The following RASGEF1C variants were observed in gnomAD, a reference collection of about 807,000 sequenced individuals.
RASGEF1C encodes RasGEF domain family member 1C.
In RASGEF1C, 27 loss-of-function variants were observed where a neutral mutation model predicts 58.1. The observed-to-expected ratio is 0.46, with a 90% CI of 0.34 to 0.64. The LOEUF (loss-of-function observed/expected upper bound fraction) is 0.64. Among genes scored for constraint, RASGEF1C ranks in the 30% least tolerant of loss-of-function variants. The pLI, the probability that RASGEF1C is intolerant of heterozygous loss-of-function variation, is 0.01. For missense variants in RASGEF1C, 502 were observed against 605.1 expected (o/e 0.83, Z 1.79); for synonymous variants, 243 against 246.3 (o/e 0.99, Z 0.13).
In RASGEF1C at chr5:180,118,695, C is replaced by T. The variant is rs1561733291; in HGVS notation, c.997G>A (p.Asp333Asn). ...AKFFILEHQM[D>N]PTGNFCNYRT... is the part of the protein sequence containing the mutation. ...TAGTTGCAGAAATTCCCCGTTGGGT[C>T]CATCTGGTGCTGGAAGGAGACAGGG... is the stretch of plus-strand genomic sequence containing the variant. Residue 333 changes from aspartate to asparagine, a missense_variant, in exon 10 of 14, where the codon GAC becomes AAC. By Grantham distance (23) the Asp-to-Asn change is conservative (BLOSUM62 1). Transcript: ENST00000361132. 3.7e-6 allele frequency: 6 copies of T among 1,614,170 alleles called. No individual in the cohort carries two copies. Among genetic ancestry groups the T allele is most frequent in the Admixed American group, 1.7e-5 (1 of 60,024 alleles).
intron 1 of RASGEF1C, among the ~76,000 whole-genome samples, chr5:180,142,409 A>G (rs1435199803): frequency 6.6e-6 from 1 of 152,186 alleles, no homozygotes; most frequent in African/African-American, 2.4e-5. Flanking sequence ...ATTTGGCTCA[A>G]TGTACCAAGA....
At chr5:180,111,641 G>T (rs1352747627) in intron 11 of RASGEF1C, 61 bp from the exon 12 acceptor site, 2 of 1,595,888 alleles carry the variant, frequency 1.3e-6, no homozygotes, top group Non-Finnish European at 1.7e-6. Context: ...CCCCATGAGG[G>T]GGAGGGGCTG....
At chr5:180,191,553 T>A (rs1756163884) in intron 1 of RASGEF1C, among the ~76,000 whole-genome samples, 3 of 152,048 alleles carry the variant, frequency 2.0e-5, no homozygotes, top group Admixed American at 1.3e-4. Flanking sequence ...AGACGGGATT[T>A]CACCGTGTTA....
chr5:180,176,469 C>T (rs888761444), intron 1 of RASGEF1C, among the ~76,000 whole-genome samples: 3 of 152,206 alleles, frequency 2.0e-5, no homozygotes, highest in African/African-American at 7.2e-5. Context: ...CTGCCCCTGC[C>T]AGGACCAGGC....
In RASGEF1C at chr5:180,137,505, G is replaced by T; in HGVS notation, c.300+85C>A. On this transcript the variant is annotated intron_variant, in intron 3 of 13. Transcript: ENST00000361132. The surrounding 1 kb of genome is among the most constrained non-coding windows in gnomAD (Gnocchi z 4.1). ...TGTCAGGAAAACGGGGACAATCATT[G>T]CCTCCCCGAGAGGCTGATGCGTTGA... 1 of 1,525,364 alleles carries T rather than the reference G, an allele frequency of 6.6e-7. No individual in the cohort carries two copies. The highest frequency in any genetic ancestry group is 8.9e-7 in the Non-Finnish European group (1 of 1,129,192). 94.5% of individuals were successfully genotyped at this position (1,525,364 alleles called of 1,614,324 possible).
At chr5:180,167,304 T>G (rs749538998) in intron 1 of RASGEF1C, among the ~76,000 whole-genome samples, 2 of 152,196 alleles carry the variant, frequency 1.3e-5, no homozygotes, top group Non-Finnish European at 2.9e-5. Context: ...TCTGTGGAAC[T>G]ATCTTCAATA....
At chr5:180,207,592 C>A (rs1203753981) in intron 1 of RASGEF1C, among the ~76,000 whole-genome samples, 1 of 152,144 alleles carries the variant, frequency 6.6e-6, no homozygotes, top group Non-Finnish European at 1.5e-5. Context: ...CTCCCCCTCG[C>A]CAGTCCCGCC....
At chr5:180,131,492 G>A (rs1479472787) in intron 4 of RASGEF1C, among the ~76,000 whole-genome samples, 1 of 152,106 alleles carries the variant, frequency 6.6e-6, no homozygotes, top group Non-Finnish European at 1.5e-5. Flanking sequence ...GTTCAGTGCT[G>A]TGAGCCCTTC....
At chr5:180,182,772 A>G (rs1406307044) in intron 1 of RASGEF1C, among the ~76,000 whole-genome samples, 1 of 152,140 alleles carries the variant, frequency 6.6e-6, no homozygotes, top group Non-Finnish European at 1.5e-5. Flanking sequence ...TAGACACAGA[A>G]AAGTTCTCCA....
intron 1 of RASGEF1C, among the ~76,000 whole-genome samples, chr5:180,180,713 G>A (rs1767311210): frequency 6.6e-6 from 1 of 152,232 alleles, no homozygotes; most frequent in African/African-American, 2.4e-5. Flanking sequence ...CAGCATGGCT[G>A]TGGTTGTGTT....
chr5:180,115,633 A>G (rs1432872993), intron 10 of RASGEF1C, among the ~76,000 whole-genome samples: 1 of 152,158 alleles, frequency 6.6e-6, no homozygotes, highest in Non-Finnish European at 1.5e-5. Context: ...TGCCTTTATC[A>G]AGCCTGCGTG....
At chr5:180,127,891 T>C (rs1766290523) in intron 5 of RASGEF1C, among the ~76,000 whole-genome samples, 1 of 152,150 alleles carries the variant, frequency 6.6e-6, no homozygotes, top group Non-Finnish European at 1.5e-5. Flanking sequence ...CTTTCCCGGT[T>C]CATGGGGGCA....
chr5:180,182,409 A>C (rs956280715), intron 1 of RASGEF1C, among the ~76,000 whole-genome samples: 2 of 152,006 alleles, frequency 1.3e-5, no homozygotes, highest in South Asian at 2.1e-4. Flanking sequence ...GAGCAGCCGC[A>C]AGATTTATTG....
intron 1 of RASGEF1C, among the ~76,000 whole-genome samples, chr5:180,139,291 G>A (rs1482035225): frequency 6.6e-6 from 1 of 152,208 alleles, no homozygotes; most frequent in Non-Finnish European, 1.5e-5. Flanking sequence ...ATTCTTGATC[G>A]TGGAGTCCTG....
At position 180,168,132 on chromosome 5, in the gene RASGEF1C, AAAAC is replaced by A. The variant is rs1383978925; in HGVS notation, c.-6-30078_-6-30075del. Among the ~76,000 whole-genome samples, 2 of 152,298 alleles carry A rather than the reference AAAAC, an allele frequency of 1.3e-5. No homozygotes were observed. Among genetic ancestry groups the A allele is most frequent in the East Asian group, 1.9e-4 (1 of 5,184 alleles). ...TCAAAAACAAAACAAAACAAAAACA[AAAAC>A]AAACAAAAAAAAGGCCAGGCGCAGT... On this transcript the variant is annotated intron_variant, in intron 1 of 13. Transcript: ENST00000361132. The surrounding 1 kb of genome is among the most constrained non-coding windows in gnomAD (Gnocchi z 6.0).
At chr5:180,142,399 A>G (rs1334939514) in intron 1 of RASGEF1C, among the ~76,000 whole-genome samples, 1 of 152,144 alleles carries the variant, frequency 6.6e-6, no homozygotes, top group Admixed American at 6.5e-5. Flanking sequence ...TTGTACCAAG[A>G]TTTGGCTCAA....
chr5:180,137,478 C>G lies in RASGEF1C; in HGVS notation c.300+112G>C. 6.9e-7 allele frequency: 1 copy of G among 1,454,484 alleles called. No individual in the cohort carries two copies. 90.1% of individuals were successfully genotyped at this position (1,454,484 alleles called of 1,614,324 possible). On this transcript the variant is annotated intron_variant, in intron 3 of 13. Coordinates refer to ENST00000361132, the MANE Select transcript of RASGEF1C (RefSeq NM_175062.4). The surrounding 1 kb of genome is among the most constrained non-coding windows in gnomAD (Gnocchi z 4.1). ...CAAGGTGGAAACACCCGGTAGCCACCTTGTCAGGAAAACGGGGACAATCAT... is the reference window on the plus strand; with the variant it reads ...CAAGGTGGAAACACCCGGTAGCCACGTTGTCAGGAAAACGGGGACAATCAT...
At chr5:180,101,885 A>G (rs1172927218) in intron 13 of RASGEF1C, among the ~76,000 whole-genome samples, 186 bp downstream of exon 13, 1 of 152,096 alleles carries the variant, frequency 6.6e-6, no homozygotes, top group Non-Finnish European at 1.5e-5. Context: ...CACCCCTATG[A>G]CTGTGGCTTG....
chr5:180,109,418 A>C (rs546687252), intron 12 of RASGEF1C, among the ~76,000 whole-genome samples: 2 of 152,312 alleles, frequency 1.3e-5, no homozygotes, highest in East Asian at 3.9e-4. Flanking sequence ...AGATTGCGCC[A>C]CTGCACTCCA....
Sources: allele counts gnomAD v4.1 joint callset (sites outside exome capture counted in the v4.1 genomes callset), GRCh38; gene constraint gnomAD v4.1.1; non-coding constraint Gnocchi (gnomAD v3.1); transcripts MANE v1.5; gene names NCBI Gene and HGNC (gene_info 2026-07-23, HGNC 2026-07-21).